The following C6orf136 variants were observed in gnomAD, a reference collection of about 807,000 sequenced individuals.
The protein encoded by C6orf136 is chromosome 6 open reading frame 136.
Under a neutral mutation model 44.0 loss-of-function variants are expected in C6orf136, and 29 were observed. That is an observed-to-expected ratio of 0.66 (90% CI 0.49 to 0.90). The LOEUF is 0.90. C6orf136 is among the 40% of genes least tolerant of loss of function. The probability of loss-of-function intolerance (pLI) is 0.00; values close to 1 mark genes in which losing one functional copy is unlikely to be tolerated. For synonymous variants in C6orf136, 293 were observed against 278.6 expected (o/e 1.05, Z -0.52); for missense variants, 628 against 669.3 (o/e 0.94, Z 0.68).
rs1346999204 is a variant in C6orf136 at position 30,647,896 on chromosome 6, G to C, written c.615+50G>C. ...CCCTGCAGTGAGACGATCCCCTGGGGGGTTCCTTGGGAGCGGAGGGACTCG... is the reference window on the plus strand; with the variant it reads ...CCCTGCAGTGAGACGATCCCCTGGGCGGTTCCTTGGGAGCGGAGGGACTCG... On this transcript the variant is annotated intron_variant, in intron 1 of 5. Transcript: ENST00000651131. This position sits in a 1 kb window ranked among gnomAD's most constrained non-coding sequence, Gnocchi z 4.8. 7.0e-7 allele frequency: 1 copy of C among 1,428,678 alleles called. No individual in the cohort carries two copies. The highest frequency in any genetic ancestry group is 2.8e-5 in the Admixed American group (1 of 35,758). 88.5% of individuals were successfully genotyped at this position (1,428,678 alleles called of 1,614,324 possible).
In C6orf136 at chr6:30,647,302, A is replaced by C. The variant is rs1462317822; in HGVS notation, c.71A>C (p.Gln24Pro). 2 of 1,596,886 alleles carry C rather than the reference A, an allele frequency of 1.3e-6. No individual in the cohort carries two copies. Among genetic ancestry groups the C allele is most frequent in the Non-Finnish European group, 1.7e-6 (2 of 1,173,968 alleles). Residue 24 changes from glutamine to proline, a missense_variant, in exon 1 of 6, where the codon CAG (glutamine) becomes CCG (proline). Coordinates refer to ENST00000651131, the MANE Select transcript of C6orf136 (RefSeq NM_001161376.2). The surrounding 1 kb of genome is among the most constrained non-coding windows in gnomAD (Gnocchi z 4.8). ...PCLRAYQARP[Q>P]VSGGEEGGRR... ...CTGCGCGCCTACCAGGCTCGACCCCAGGTGAGCGGAGGAGAAGAGGGAGGG... is the reference window on the plus strand; with the variant it reads ...CTGCGCGCCTACCAGGCTCGACCCCCGGTGAGCGGAGGAGAAGAGGGAGGG...
chr6:30,647,729 G>C lies in C6orf136; in HGVS notation c.498G>C (p.Glu166Asp). 1.9e-6 allele frequency: 3 copies of C among 1,549,868 alleles called. No individual in the cohort carries two copies. Among genetic ancestry groups the C allele is most frequent in the Non-Finnish European group, 2.6e-6 (3 of 1,146,732 alleles). Residue 166 changes from glutamate (E) to aspartate (D), a missense_variant, in exon 1 of 6, where the codon GAG (glutamate) becomes GAC (aspartate). By Grantham distance (45) the Glu-to-Asp change is conservative. Around this residue, in one of 2 missense-constraint regions of C6orf136, gnomAD observed 497 missense variants for 469.2 expected, o/e 1.06. Coordinates refer to ENST00000651131, the MANE Select transcript of C6orf136 (RefSeq NM_001161376.2). The surrounding 1 kb of genome is among the most constrained non-coding windows in gnomAD (Gnocchi z 4.8). ...PQQPARLALGERSWQEGRPVC... is the reference protein window; with the variant it reads ...PQQPARLALGDRSWQEGRPVC... ...AGCCCGCCCGTCTTGCACTCGGAGA[G>C]CGGTCCTGGCAGGAAGGCCGGCCAG... is the stretch of plus-strand genomic sequence containing the variant.
At chr6:30,650,006 G>T (rs58716460) in intron 2 of C6orf136, 47 bp downstream of exon 2, 7 of 1,538,016 alleles carry the variant, frequency 4.6e-6, no homozygotes, top group Admixed American at 3.6e-5. Flanking sequence ...GAAGGATGTG[G>T]GTAATCCTTG....
chr6:30,651,972 T>G (rs544881531), intron 4 of C6orf136, among the ~76,000 whole-genome samples: 1 of 152,024 alleles, frequency 6.6e-6, no homozygotes, highest in Non-Finnish European at 1.5e-5. Flanking sequence ...CTGAACAGAC[T>G]GGGTGTGGTG....
chr6:30,652,174 T>C (rs188331215), intron 4 of C6orf136, among the ~76,000 whole-genome samples: 9 of 150,322 alleles, frequency 6.0e-5, no homozygotes, highest in Middle Eastern at 3.4e-3. Context: ...ACCTGGGAGG[T>C]TGAGGTTGCA....
intron 4 of C6orf136, 161 bp from the exon 5 acceptor site, chr6:30,652,482 CTGATT>C (rs143658598): frequency 0.02 from 13,843 of 688,240 alleles, 349 homozygotes; most frequent in South Asian, 0.078. Context: ...GCCAAACACT[CTGATT>C]TAATTGAGAC....
intron 4 of C6orf136, 23 bp from the exon 5 acceptor site, chr6:30,652,625 G>A: frequency 6.2e-7 from 1 of 1,609,686 alleles, no homozygotes; most frequent in Non-Finnish European, 8.5e-7. Flanking sequence ...TTCTCCCTCA[G>A]TAAGCCTCCC....
Position 30,647,642 on chromosome 6 carries a change from C to T in C6orf136, c.411C>T (p.Ser137=), listed in dbSNP as rs555692995. The T allele has an allele frequency of 5.1e-4, 787 of 1,550,032 alleles. 1 individual carries two copies. Among genetic ancestry groups the T allele is most frequent in the Non-Finnish European group, 6.0e-4 (685 of 1,146,610 alleles). The change falls in exon 1 of 6, where the codon AGC becomes AGT. Residue 137 remains serine, a synonymous_variant. Coordinates refer to ENST00000651131, the MANE Select transcript of C6orf136 (RefSeq NM_001161376.2). This position sits in a 1 kb window ranked among gnomAD's most constrained non-coding sequence, Gnocchi z 4.8. The part of the protein sequence containing the change: ...DLKGRGREIR[S]PAAAPSRSSP... ...AGGGCAGGGGCCGAGAGATTCGTAGCCCTGCTGCGGCGCCGTCCCGGAGTT... is the reference window on the plus strand; with the variant it reads ...AGGGCAGGGGCCGAGAGATTCGTAGTCCTGCTGCGGCGCCGTCCCGGAGTT...
In C6orf136 at chr6:30,651,299, C is replaced by A. The variant is rs1767387265; in HGVS notation, c.1140C>A (p.Leu380=). 2 of 1,614,106 alleles carry A rather than the reference C, an allele frequency of 1.2e-6. No homozygotes were observed. Among genetic ancestry groups the A allele is most frequent in the East Asian group, 4.5e-5 (2 of 44,880 alleles). Residue 380 remains leucine, a synonymous_variant, in exon 4 of 6, where the codon CTC becomes CTA. Transcript: ENST00000651131. Reference sequence around the variant, plus strand: ...CATGGTACATTCTTTCACTGACCCTCTGCCGTTTCCTGGCCTGGAATTATT... The same window carrying A: ...CATGGTACATTCTTTCACTGACCCTATGCCGTTTCCTGGCCTGGAATTATT... ...GRTWYILSLT[L]CRFLAWNYFA...
rs778926437 is a variant in C6orf136, at chr6:30,652,676, C to A, written c.1336C>A (p.Leu446Met). The change falls in exon 5 of 6, where the codon CTG becomes ATG. Residue 446 changes from leucine (L) to methionine (M), a missense_variant. By Grantham distance (15) the Leu-to-Met change is conservative (BLOSUM62 2). Around this residue, in one of 2 missense-constraint regions of C6orf136, gnomAD observed 131 missense variants for 200.1 expected, o/e 0.65. Coordinates refer to ENST00000651131, the MANE Select transcript of C6orf136 (RefSeq NM_001161376.2). ...RTYDAYSTFY[L>M]NSSGLICRHR... ...CTATGATGCCTACTCCACTTTCTAC[C>A]TGAATTCCAGTGGCCTCATTTGTCG... 6.8e-6 allele frequency: 11 copies of A among 1,612,968 alleles called. No individual in the cohort carries two copies. The highest frequency in any genetic ancestry group is 9.3e-6 in the Non-Finnish European group (11 of 1,180,038).
Position 30,647,861 on chromosome 6 carries a change from C to A in C6orf136, c.615+15C>A, listed in dbSNP as rs903130740. The A allele has an allele frequency of 2.0e-6, 3 of 1,467,242 alleles. No individual in the cohort carries two copies. The South Asian group carries it at 4.0e-5, about 20-fold the overall frequency. 90.9% of individuals were successfully genotyped at this position (1,467,242 alleles called of 1,614,324 possible). On this transcript the variant is annotated intron_variant, in intron 1 of 5. Transcript: ENST00000651131. This position sits in a 1 kb window ranked among gnomAD's most constrained non-coding sequence, Gnocchi z 4.8. ...CGGGGACCGAGGTACCCGAGCGGTC[C>A]GCCCGCCTTCCCTGCAGTGAGACGA...
Position 30,649,921 on chromosome 6 carries a change from G to A in C6orf136, c.979G>A (p.Glu327Lys). The change falls in exon 2 of 6, where the codon GAA becomes AAA. Residue 327 changes from glutamate to lysine, a missense_variant. Physicochemically the swap from Glu to Lys is moderately conservative, Grantham distance 56 (BLOSUM62 1). Transcript: ENST00000651131. ...ATPSGDPSME[E>K]HLSVMYERLR... ...CCCGTCAGGAGATCCTAGTATGGAG[G>A]AACATCTGTCTGTCATGTATGAGAG... The A allele has an allele frequency of 6.2e-7, 1 of 1,613,882 alleles. No individual in the cohort carries two copies. Among genetic ancestry groups the A allele is most frequent in the Non-Finnish European group, 8.5e-7 (1 of 1,179,968 alleles).
At chr6:30,651,866 T>TA (rs150053919) in intron 4 of C6orf136, among the ~76,000 whole-genome samples, 5,090 of 149,034 alleles carry the variant, frequency 0.034, 114 homozygotes, top group African/African-American at 0.067. Context: ...ATGTTAATGT[T>TA]AAAAAAAAAA....
chr6:30,652,060 G>A (rs1418733032), intron 4 of C6orf136, among the ~76,000 whole-genome samples: 3 of 151,730 alleles, frequency 2.0e-5, no homozygotes, highest in Admixed American at 6.6e-5. Context: ...AGACCTGCCT[G>A]GCCAACATGG....
Position 30,647,679 on chromosome 6 carries a change from A to G in C6orf136, c.448A>G (p.Thr150Ala), listed in dbSNP as rs920900355. 5.2e-6 allele frequency: 8 copies of G among 1,549,954 alleles called. No homozygotes were observed. The highest frequency in any genetic ancestry group is 7.0e-6 in the Non-Finnish European group (8 of 1,146,682). The change falls in exon 1 of 6, where the codon ACC becomes GCC. Residue 150 changes from threonine to alanine, a missense_variant. Thr to Ala is a moderately conservative substitution (Grantham distance 58). Coordinates refer to ENST00000651131, the MANE Select transcript of C6orf136 (RefSeq NM_001161376.2). The surrounding 1 kb of genome is among the most constrained non-coding windows in gnomAD (Gnocchi z 4.8). ...AAPSRSSPAQ[T>A]RPAGRPQQPA... is the part of the protein sequence containing the mutation. Reference sequence around the variant, plus strand: ...GCCGTCCCGGAGTTCCCCGGCCCAGACCAGACCCGCGGGGCGCCCTCAGCA... The same window carrying G: ...GCCGTCCCGGAGTTCCCCGGCCCAGGCCAGACCCGCGGGGCGCCCTCAGCA...
rs1282129267 is a variant in C6orf136 at position 30,647,361 on chromosome 6, C to T, written c.130C>T (p.Pro44Ser). ...RGGGERPSSK[P>S]VRGAERALGS... ...GGGCGGGGAGAGACCCTCCTCAAAGCCGGTGCGTGGGGCGGAGCGCGCGCT... is the reference window on the plus strand; with the variant it reads ...GGGCGGGGAGAGACCCTCCTCAAAGTCGGTGCGTGGGGCGGAGCGCGCGCT... Residue 44 changes from proline to serine, a missense_variant, in exon 1 of 6, where the codon CCG becomes TCG. Physicochemically the swap from Pro to Ser is moderately conservative, Grantham distance 74. Around this residue, in one of 2 missense-constraint regions of C6orf136, gnomAD observed 497 missense variants for 469.2 expected, o/e 1.06. Transcript: ENST00000651131. This position sits in a 1 kb window ranked among gnomAD's most constrained non-coding sequence, Gnocchi z 4.8. The T allele has an allele frequency of 1.8e-5, 27 of 1,525,682 alleles. No individual in the cohort carries two copies. The highest frequency in any genetic ancestry group is 1.8e-6 in the Non-Finnish European group (2 of 1,140,398). The allele number at this position is 1,525,682 out of a possible 1,614,324, so 94.5% of individuals were successfully genotyped here. A position where few individuals can be genotyped will look rare whatever the true frequency, so the allele number is the denominator to read the frequency against.
chr6:30,648,737 T>G, intron 1 of C6orf136, among the ~76,000 whole-genome samples: 1 of 136,154 alleles, frequency 7.3e-6, no homozygotes, highest in African/African-American at 2.6e-5. Flanking sequence ...CCGGGCACGG[T>G]GGCTCACGCC....
rs1343066627 is a variant in C6orf136, at chr6:30,652,732, G to T, written c.1377+15G>T. 8 of 1,612,804 alleles carry T rather than the reference G, an allele frequency of 5.0e-6. 1 individual carries two copies. In the African/African-American group the frequency reaches 9.3e-5, roughly 19 times the overall value. On this transcript the variant is annotated intron_variant, in intron 5 of 5. Transcript: ENST00000651131. ...GTCTAGATAAAGTGAGTCCTAGGTAGGGCTGGGTGGGGTAAAGGGTAGAAC... is the reference window on the plus strand; with the variant it reads ...GTCTAGATAAAGTGAGTCCTAGGTATGGCTGGGTGGGGTAAAGGGTAGAAC...
intron 2 of C6orf136, among the ~76,000 whole-genome samples, chr6:30,650,456 T>A (rs778259224): frequency 2.0e-5 from 3 of 150,990 alleles, no homozygotes; most frequent in Non-Finnish European, 4.4e-5. Flanking sequence ...TGGGATGAGA[T>A]CTTTCACTCC....
Sources: gnomAD v4.1 joint callset for allele counts (sites outside exome capture counted in the v4.1 genomes callset) on GRCh38, gnomAD v4.1.1 for gene constraint, gnomAD v4.1.1 regional missense constraint, Gnocchi (gnomAD v3.1) non-coding constraint, MANE v1.5 for transcripts, NCBI Gene and HGNC (gene_info 2026-07-23, HGNC 2026-07-21) for gene names.